OSBPL8: variants seen among roughly 807,000 people sequenced by gnomAD.
OSBPL8 encodes the protein oxysterol binding protein like 8.
OSBPL8 carries 59 observed loss-of-function variants against 125.5 expected under a neutral mutation model. That is an observed-to-expected ratio of 0.47 (90% confidence interval 0.38 to 0.58). OSBPL8 has a LOEUF of 0.58. OSBPL8 is among the 20% of genes least tolerant of loss of function. OSBPL8 has a pLI of 0.00. For missense variants in OSBPL8, 758 were observed against 1,047.8 expected, an observed-to-expected ratio of 0.72 and a Z score of 3.82; for synonymous variants, 330 against 338.9, an observed-to-expected ratio of 0.97 and a Z score of 0.29.
Position 76,407,705 on chromosome 12 carries a change from T to A in OSBPL8, c.288+2859A>T, listed in dbSNP as rs965703982. Among the ~76,000 whole-genome samples the A allele has an allele frequency of 3.3e-5, 5 of 152,316 alleles. No homozygotes were observed. The East Asian group carries it at 5.8e-4, about 18-fold the overall frequency. On this transcript the variant is annotated intron_variant, in intron 5 of 23. Transcript: ENST00000261183. ...TTTACTTATATACCAAATAGTTATG[T>A]TAAGAATCCCATTCATTCACTCTAA...
At chr12:76,492,048 G>A (rs1247266095) in intron 1 of OSBPL8, among the ~76,000 whole-genome samples, 1 of 151,696 alleles carries the variant, frequency 6.6e-6, no homozygotes, top group Non-Finnish European at 1.5e-5. Flanking sequence ...GGAAGGGGAA[G>A]ACAAACAATA....
chr12:76,452,329 AATT>A lies in OSBPL8; in HGVS notation c.80-1344_80-1342del, dbSNP rs532541104. ...TGCACTTTTCATCCAAAATATAAAAAATTATTTTTCCAAGTCAATTAAAAAAAT... is the reference window on the plus strand; with the variant it reads ...TGCACTTTTCATCCAAAATATAAAAAATTTTTCCAAGTCAATTAAAAAAAT... On this transcript the variant is annotated intron_variant, in intron 3 of 23. Transcript: ENST00000261183. Among the ~76,000 whole-genome samples the A allele has an allele frequency of 1.4e-3, 216 of 152,322 alleles. 1 individual carries two copies. The highest frequency in any genetic ancestry group is 0.01 in the Middle Eastern group (3 of 294).
intron 12 of OSBPL8, among the ~76,000 whole-genome samples, chr12:76,387,099 A>G (rs916496665): frequency 2.0e-5 from 3 of 152,212 alleles, no homozygotes; most frequent in Non-Finnish European, 2.9e-5. Context: ...AGAAGTCTTC[A>G]GCCTCACATG....
At chr12:76,356,541 G>A (rs1951994062) in intron 23 of OSBPL8, 85 bp downstream of exon 23, 1 of 787,616 alleles carries the variant, frequency 1.3e-6, no homozygotes, top group Admixed American at 2.9e-5. Context: ...ATAAAAATAT[G>A]AAGTCTGCAT....
chr12:76,444,152 TAA>T (rs768484681), intron 4 of OSBPL8, among the ~76,000 whole-genome samples: 1 of 152,138 alleles, frequency 6.6e-6, no homozygotes, highest in Non-Finnish European at 1.5e-5. Context: ...TGAGCTACAT[TAA>T]GTTGGTATGA....
intron 1 of OSBPL8, among the ~76,000 whole-genome samples, chr12:76,540,726 A>G (rs974026532): frequency 6.6e-6 from 1 of 152,018 alleles, no homozygotes; most frequent in Non-Finnish European, 1.5e-5. Context: ...TTTCAAGCAG[A>G]AAATTATCCC....
chr12:76,377,858 T>C (rs921170875), intron 16 of OSBPL8, among the ~76,000 whole-genome samples: 2 of 152,074 alleles, frequency 1.3e-5, no homozygotes, highest in African/African-American at 4.8e-5. Context: ...TTTCCTCTTC[T>C]AAAAAAGGGA....
rs1422635817 is a variant in OSBPL8, at chr12:76,393,439, G to A, written c.758-687C>T. On this transcript the variant is annotated intron_variant, in intron 9 of 23. Coordinates refer to ENST00000261183, the MANE Select transcript of OSBPL8 (RefSeq NM_020841.5). ...TTTAAAAAAATCATCGGCCAGGCGC[G>A]GTGGCTCACGCCCGTAATCCCAGCA... 3.9e-5 allele frequency among the ~76,000 whole-genome samples: 6 copies of A among 152,046 alleles called. No homozygotes were observed. In the East Asian group the frequency reaches 7.7e-4, roughly 20 times the overall value.
chr12:76,464,972 T>A (rs890576861), intron 2 of OSBPL8, among the ~76,000 whole-genome samples: 2 of 152,202 alleles, frequency 1.3e-5, no homozygotes, highest in African/African-American at 4.8e-5. Context: ...CAGAGAGAGC[T>A]ATATAGTGCA....
At chr12:76,499,774 G>A (rs1289294372) in intron 1 of OSBPL8, among the ~76,000 whole-genome samples, 1 of 151,896 alleles carries the variant, frequency 6.6e-6, no homozygotes, top group Non-Finnish European at 1.5e-5. Context: ...GAATCACTTG[G>A]ACCCGGGAGC....
At chr12:76,543,849 A>C (rs1201919318) in intron 1 of OSBPL8, among the ~76,000 whole-genome samples, 1 of 152,226 alleles carries the variant, frequency 6.6e-6, no homozygotes, top group African/African-American at 2.4e-5. Flanking sequence ...CCCAGAATTA[A>C]ACCTAGCTAG....
At chr12:76,453,783 T>C (rs1278780781) in intron 3 of OSBPL8, among the ~76,000 whole-genome samples, 1 of 152,042 alleles carries the variant, frequency 6.6e-6, no homozygotes, top group Non-Finnish European at 1.5e-5. Flanking sequence ...AAATAAGATA[T>C]TTGCAACACC....
At chr12:76,415,188 C>T (rs926420058) in intron 4 of OSBPL8, among the ~76,000 whole-genome samples, 10 of 151,784 alleles carry the variant, frequency 6.6e-5, no homozygotes, top group African/African-American at 2.2e-4. Context: ...TGGTAGAACT[C>T]GGTATCTACC....
intron 3 of OSBPL8, among the ~76,000 whole-genome samples, chr12:76,454,336 G>A (rs967233161): frequency 6.6e-6 from 1 of 152,088 alleles, no homozygotes. Flanking sequence ...ATAGTATATA[G>A]CACTAAAAAG....
intron 1 of OSBPL8, among the ~76,000 whole-genome samples, chr12:76,527,866 T>A (rs1320922115): frequency 1.3e-5 from 2 of 152,224 alleles, no homozygotes. Flanking sequence ...ATAAACATTC[T>A]TGAAAAGGTA....
chr12:76,376,818 C>T (rs1343369765), intron 16 of OSBPL8, among the ~76,000 whole-genome samples: 2 of 152,034 alleles, frequency 1.3e-5, no homozygotes, highest in Non-Finnish European at 2.9e-5. Flanking sequence ...GATACATGTG[C>T]AGAACGTGAA....
Position 76,539,762 on chromosome 12 carries a change from G to A in OSBPL8, c.-68+19635C>T, listed in dbSNP as rs138665501. Among the ~76,000 whole-genome samples the A allele has an allele frequency of 1.1e-3, 160 of 152,226 alleles. 1 individual carries two copies. The highest frequency in any genetic ancestry group is 3.5e-3 in the East Asian group (18 of 5,176). On this transcript the variant is annotated intron_variant, in intron 1 of 23. Transcript: ENST00000261183. ...CAATGGCTACTATCCCTAGTGCTCC[G>A]GCTTTTCTAAGACACTTATACAAGA...
intron 2 of OSBPL8, among the ~76,000 whole-genome samples, chr12:76,487,309 G>GAT (rs1878257116): frequency 6.6e-6 from 1 of 152,088 alleles, no homozygotes; most frequent in East Asian, 1.9e-4. Flanking sequence ...AGGATTACAG[G>GAT]TGTGAGCCAC....
intron 9 of OSBPL8, among the ~76,000 whole-genome samples, chr12:76,394,254 G>C (rs549823133): frequency 1.3e-5 from 2 of 151,660 alleles, no homozygotes; most frequent in South Asian, 2.1e-4. Flanking sequence ...GGTTGTACTC[G>C]AATCTCTTAC....
Sources: allele counts gnomAD v4.1 joint callset (sites outside exome capture counted in the v4.1 genomes callset), GRCh38; gene constraint gnomAD v4.1.1; transcripts MANE v1.5; gene names NCBI Gene and HGNC (gene_info 2026-07-23, HGNC 2026-07-21).